Variants in LRMDA observed in about 807,000 individuals in gnomAD.
The protein encoded by LRMDA is leucine-rich melanocyte differentiation-associated protein.
In LRMDA, 18 loss-of-function variants were observed where a neutral mutation model predicts 29.8. The observed-to-expected ratio is 0.60, with a 90% CI of 0.42 to 0.90. The LOEUF (loss-of-function observed/expected upper bound fraction) is 0.90. LRMDA is among the 40% of genes least tolerant of loss of function. LRMDA has a pLI of 0.00. For missense variants in LRMDA, 273 were observed against 273.9 expected, an observed-to-expected ratio of 1.00 and a Z score of 0.02; for synonymous variants, 125 against 109.4, an observed-to-expected ratio of 1.14 and a Z score of -0.89.
chr10:76,521,271 C>G (rs1022727481), intron 6 of LRMDA, among the ~76,000 whole-genome samples: 2 of 151,914 alleles, frequency 1.3e-5, no homozygotes, highest in Admixed American at 1.3e-4. Context: ...GTAGCTGGGA[C>G]TACAGGCGCC....
intron 2 of LRMDA, among the ~76,000 whole-genome samples, chr10:75,952,009 C>A (rs1232457556): frequency 6.6e-6 from 1 of 152,168 alleles, no homozygotes; most frequent in Non-Finnish European, 1.5e-5. Context: ...TGGCTCAAAT[C>A]TAATGACTTT....
intron 2 of LRMDA, among the ~76,000 whole-genome samples, chr10:75,543,702 T>C (rs1840046179): frequency 6.6e-6 from 1 of 152,194 alleles, no homozygotes. Flanking sequence ...CAAAGATTTA[T>C]TTTTATTTTT....
chr10:75,824,180 T>C (rs1022207219), intron 2 of LRMDA, among the ~76,000 whole-genome samples: 1 of 152,222 alleles, frequency 6.6e-6, no homozygotes, highest in Non-Finnish European at 1.5e-5. Flanking sequence ...ATGTTGATTG[T>C]ATTTGGGACA....
chr10:75,964,093 G>A (rs998582971), intron 2 of LRMDA, among the ~76,000 whole-genome samples: 2 of 151,932 alleles, frequency 1.3e-5, no homozygotes, highest in Admixed American at 6.6e-5. Flanking sequence ...ATGAAATTTC[G>A]AGCTACATAG....
intron 5 of LRMDA, among the ~76,000 whole-genome samples, chr10:76,105,190 C>T (rs1387010463): frequency 2.0e-5 from 3 of 152,076 alleles, no homozygotes; most frequent in African/African-American, 7.2e-5. Flanking sequence ...CTGCATTTGA[C>T]TTATATATTT....
At chr10:75,912,562 A>T (rs1454195893) in intron 2 of LRMDA, among the ~76,000 whole-genome samples, 2 of 152,162 alleles carry the variant, frequency 1.3e-5, no homozygotes, top group Non-Finnish European at 2.9e-5. Flanking sequence ...TATTTGCAAA[A>T]TGGTAAATGT....
intron 5 of LRMDA, among the ~76,000 whole-genome samples, chr10:76,196,502 T>C (rs1851333223): frequency 1.3e-5 from 2 of 152,206 alleles, no homozygotes; most frequent in Admixed American, 1.3e-4. Context: ...ATCTGCTCCT[T>C]CTGCAGTGAT....
intron 2 of LRMDA, among the ~76,000 whole-genome samples, chr10:75,849,151 C>T (rs1213486120): frequency 6.6e-6 from 1 of 152,160 alleles, no homozygotes; most frequent in African/African-American, 2.4e-5. Flanking sequence ...CCCAGTGTCC[C>T]CATTGTCTTT....
rs143554250 is a variant in LRMDA at position 75,840,066 on chromosome 10, A to C, written c.132-195942A>C. 4.2e-3 allele frequency among the ~76,000 whole-genome samples: 633 copies of C among 152,224 alleles called. 1 individual carries two copies. Among genetic ancestry groups the C allele is most frequent in the Middle Eastern group, 0.034 (10 of 292 alleles). On this transcript the variant is annotated intron_variant, in intron 2 of 6. Coordinates refer to ENST00000611255, the MANE Select transcript of LRMDA (RefSeq NM_001305581.2). ...GTTTGCTGACATCAGCTGGGTAGAC[A>C]CTTTTTTTCCCTATTGGCAGAACTT...
intron 6 of LRMDA, among the ~76,000 whole-genome samples, chr10:76,426,770 A>G (rs1017821549): frequency 1.5e-4 from 23 of 152,274 alleles, no homozygotes; most frequent in Admixed American, 1.4e-3. Flanking sequence ...ATCTTGAATT[A>G]ATTTTTGCAT....
chr10:75,907,305 AATG>A (rs1845774303), intron 2 of LRMDA, among the ~76,000 whole-genome samples: 1 of 152,238 alleles, frequency 6.6e-6, no homozygotes, highest in Non-Finnish European at 1.5e-5. Flanking sequence ...AATTCAGGGT[AATG>A]ATGATTTATA....
rs578204037 is a variant in LRMDA at position 76,552,235 on chromosome 10, T to TA, written c.602-4974_602-4973insA. ...AAATATTAATGACAGACCACTTGCT[T>TA]TGATGGCTGGGCTTTAGTTCTGTTG... On this transcript the variant is annotated intron_variant, in intron 6 of 6. Transcript: ENST00000611255. 6.6e-5 allele frequency among the ~76,000 whole-genome samples: 10 copies of TA among 152,368 alleles called. No individual in the cohort carries two copies. The East Asian group carries it at 1.5e-3, about 24-fold the overall frequency.
intron 2 of LRMDA, among the ~76,000 whole-genome samples, chr10:75,756,972 C>A (rs1439900906): frequency 2.0e-5 from 3 of 152,162 alleles, no homozygotes; most frequent in Admixed American, 2.0e-4. Context: ...TAGTCTTGAA[C>A]TATAGTGCAT....
chr10:75,834,532 C>T (rs1171070827), intron 2 of LRMDA, among the ~76,000 whole-genome samples: 4 of 152,190 alleles, frequency 2.6e-5, no homozygotes, highest in Non-Finnish European at 5.9e-5. Flanking sequence ...AACATCCCTT[C>T]CCTCCACTTA....
At chr10:76,461,841 G>A (rs965326603) in intron 6 of LRMDA, among the ~76,000 whole-genome samples, 10 of 152,014 alleles carry the variant, frequency 6.6e-5, no homozygotes, top group African/African-American at 2.2e-4. Context: ...TTGGGAGGCC[G>A]AGGCGGGCAG....
chr10:75,568,125 G>C (rs906753492), intron 2 of LRMDA, among the ~76,000 whole-genome samples: 1 of 152,206 alleles, frequency 6.6e-6, no homozygotes, highest in African/African-American at 2.4e-5. Flanking sequence ...GGGTATGGCT[G>C]AGTGTGAAGA....
intron 6 of LRMDA, among the ~76,000 whole-genome samples, chr10:76,401,105 T>C (rs1473429252): frequency 6.6e-6 from 1 of 152,152 alleles, no homozygotes; most frequent in Non-Finnish European, 1.5e-5. Context: ...GGCTGCAAAT[T>C]ATATGAAGGA....
intron 5 of LRMDA, among the ~76,000 whole-genome samples, chr10:76,097,487 G>A (rs1849331113): frequency 6.6e-6 from 1 of 152,162 alleles, no homozygotes; most frequent in Non-Finnish European, 1.5e-5. Flanking sequence ...AGATATCTTT[G>A]CCTTAATCCC....
At chr10:75,496,001 C>G (rs1435213546) in intron 2 of LRMDA, among the ~76,000 whole-genome samples, 1 of 152,190 alleles carries the variant, frequency 6.6e-6, no homozygotes, top group African/African-American at 2.4e-5. Flanking sequence ...TGGAGTTTTC[C>G]AAATCAGGAA....
Sources: allele counts gnomAD v4.1 joint callset (sites outside exome capture counted in the v4.1 genomes callset), GRCh38; gene constraint gnomAD v4.1.1; transcripts MANE v1.5; gene names NCBI Gene and HGNC (gene_info 2026-07-23, HGNC 2026-07-21).